Variants in ROPN1L observed in about 807,000 individuals in gnomAD.
ROPN1L encodes the protein rhophilin associated tail protein 1 like, also known as ropporin-1-like protein.
In ROPN1L, 23 loss-of-function variants were observed where a neutral mutation model predicts 22.7. That is an observed-to-expected ratio of 1.01 (90% confidence interval 0.73 to 1.43). ROPN1L has a LOEUF of 1.43. Ranked by LOEUF, ROPN1L falls within the 40% of genes most tolerant of loss-of-function variation. The pLI, the probability that ROPN1L is intolerant of heterozygous loss-of-function variation, is 0.00. For synonymous variants in ROPN1L, 116 were observed against 117.8 expected (o/e 0.98, Z 0.10); for missense variants, 271 against 291.5 (o/e 0.93, Z 0.51).
chr5:10,480,236 A>T, the ROPN1L span, among the ~76,000 whole-genome samples: 11 of 152,368 alleles, frequency 7.2e-5, no homozygotes, highest in Admixed American at 2.0e-4. Flanking sequence ...CGAAATACAC[A>T]AATATAGACT....
At chr5:10,448,850 G>A (rs1021777756) in intron 2 of ROPN1L, among the ~76,000 whole-genome samples, 6 of 152,350 alleles carry the variant, frequency 3.9e-5, no homozygotes, top group African/African-American at 1.4e-4. Context: ...GTCCAGTGCT[G>A]TGGAGAGCCT....
At chr5:10,448,881 GCTT>G (rs1741165353) in intron 2 of ROPN1L, among the ~76,000 whole-genome samples, 1 of 152,200 alleles carries the variant, frequency 6.6e-6, no homozygotes, top group East Asian at 1.9e-4. Context: ...CCTGCCTTGC[GCTT>G]CTTTGCCCCA....
rs1344141838 is a variant in ROPN1L, at chr5:10,442,260, C to A, written c.93C>A (p.Ile31=). The A allele has an allele frequency of 1.2e-6, 2 of 1,613,608 alleles. No homozygotes were observed. The highest frequency in any genetic ancestry group is 1.7e-6 in the Non-Finnish European group (2 of 1,179,914). Residue 31 remains isoleucine, a synonymous_variant, in exon 1 of 5, where the codon ATC becomes ATA. Coordinates refer to ENST00000274134, the MANE Select transcript of ROPN1L (RefSeq NM_031916.5). ...TGAAGCAATTCACCAAGGCTGCCATCCGCACCCAGCCGGCCGACGTGCTGC... is the reference window on the plus strand; with the variant it reads ...TGAAGCAATTCACCAAGGCTGCCATACGCACCCAGCCGGCCGACGTGCTGC... ...DILKQFTKAA[I]RTQPADVLRW... is the part of the protein sequence containing the mutation.
intron 3 of ROPN1L, among the ~76,000 whole-genome samples, chr5:10,455,215 G>C (rs189461415): frequency 6.6e-6 from 1 of 152,190 alleles, no homozygotes; most frequent in East Asian, 1.9e-4. Flanking sequence ...AGCCACCTGC[G>C]CTGCGGCAGT....
intron 1 of ROPN1L, among the ~76,000 whole-genome samples, chr5:10,448,008 C>T (rs777967999): frequency 3.1e-4 from 47 of 152,266 alleles, no homozygotes; most frequent in Middle Eastern, 3.4e-3. Context: ...TGCGCCAAGC[C>T]CTTCTCACAC....
chr5:10,479,838 G>T, the ROPN1L span, among the ~76,000 whole-genome samples: 3 of 152,052 alleles, frequency 2.0e-5, no homozygotes, highest in African/African-American at 7.3e-5. Context: ...TCTGCCTCCT[G>T]AATTCAAGCA....
the ROPN1L span, among the ~76,000 whole-genome samples, chr5:10,478,414 T>G: frequency 0.011 from 1,606 of 152,290 alleles, 22 homozygotes; most frequent in African/African-American, 0.037. Context: ...AGGCTAGAAA[T>G]TTTTGGACTT....
chr5:10,448,407 C>T (rs1373537238), intron 2 of ROPN1L, 24 bp downstream of exon 2: 1 of 1,613,456 alleles, frequency 6.2e-7, no homozygotes, highest in South Asian at 1.1e-5. Flanking sequence ...TAGTCTCTGG[C>T]CTCAGGCAGC....
chr5:10,465,463 C>T (rs1198578423), downstream of ROPN1L, among the ~76,000 whole-genome samples: 5 of 150,482 alleles, frequency 3.3e-5, no homozygotes, highest in East Asian at 2.0e-4. Context: ...TGCAGTGAGC[C>T]GAGATCGCGC....
intron 3 of ROPN1L, among the ~76,000 whole-genome samples, chr5:10,459,071 G>A (rs1022474007): frequency 8.0e-5 from 12 of 150,586 alleles, no homozygotes; most frequent in South Asian, 6.4e-4. Flanking sequence ...TCCACTGGGC[G>A]CCTGACAGAC....
downstream of ROPN1L, among the ~76,000 whole-genome samples, chr5:10,466,982 T>C (rs192091323): frequency 1.6e-4 from 25 of 152,284 alleles, no homozygotes; most frequent in East Asian, 4.4e-3. Context: ...TTTCCTCTTC[T>C]TATTAGAACA....
intron 4 of ROPN1L, among the ~76,000 whole-genome samples, chr5:10,471,181 A>G (rs1467984855): frequency 6.6e-6 from 1 of 152,136 alleles, no homozygotes; most frequent in Non-Finnish European, 1.5e-5. Flanking sequence ...TCCATTGCCC[A>G]GGCTGGAGTG....
chr5:10,465,155 G>T, downstream of ROPN1L: 1 of 366,002 alleles, frequency 2.7e-6, no homozygotes, highest in Non-Finnish European at 5.0e-6. Flanking sequence ...ACAGTAAAAT[G>T]ATCTCTTTTA....
downstream of ROPN1L, among the ~76,000 whole-genome samples, chr5:10,469,421 A>G (rs1735211669): frequency 6.6e-6 from 1 of 151,954 alleles, no homozygotes; most frequent in African/African-American, 2.4e-5. Context: ...CAGGAAGTTG[A>G]GGCCACAGTG....
chr5:10,469,930 C>T (rs1051414876), downstream of ROPN1L, among the ~76,000 whole-genome samples: 25 of 152,140 alleles, frequency 1.6e-4, no homozygotes, highest in Admixed American at 9.8e-4. Context: ...ATTGAATTTA[C>T]GATTAGTTGT....
chr5:10,445,426 G>C (rs1741025887), intron 1 of ROPN1L, among the ~76,000 whole-genome samples: 1 of 152,190 alleles, frequency 6.6e-6, no homozygotes, highest in African/African-American at 2.4e-5. Flanking sequence ...CTTGGTAAGT[G>C]CAAAAATGAA....
intron 1 of ROPN1L, among the ~76,000 whole-genome samples, chr5:10,444,482 G>A (rs190283528): frequency 0.017 from 2,618 of 151,794 alleles, 81 homozygotes; most frequent in African/African-American, 0.059. Flanking sequence ...GTAGAGATGG[G>A]GTTTCACCAT....
chr5:10,469,162 AAATT>A (rs1561181145), downstream of ROPN1L, among the ~76,000 whole-genome samples: 1 of 149,880 alleles, frequency 6.7e-6, no homozygotes, highest in African/African-American at 2.5e-5. Flanking sequence ...AAAAAAATAA[AAATT>A]AAATAAACTC....
chr5:10,453,032 T>C (rs536363931), intron 3 of ROPN1L, among the ~76,000 whole-genome samples: 4 of 152,318 alleles, frequency 2.6e-5, no homozygotes, highest in South Asian at 2.1e-4. Flanking sequence ...TCACTGCGGG[T>C]TCCTGCCTGT....
Sources: gnomAD v4.1 joint callset for allele counts (sites outside exome capture counted in the v4.1 genomes callset) on GRCh38, gnomAD v4.1.1 for gene constraint, MANE v1.5 for transcripts, NCBI Gene and HGNC (gene_info 2026-07-23, HGNC 2026-07-21) for gene names.